Variants in LPA observed in about 807,000 individuals in gnomAD.
LPA encodes lipoprotein(a), also known as apolipoprotein(a).
In LPA, 199 loss-of-function variants were observed where a neutral mutation model predicts 197.9. The observed-to-expected ratio is 1.01, with a 90% CI of 0.90 to 1.13. The LOEUF is 1.13. Among genes scored for constraint, LPA ranks in the 50% most tolerant of loss-of-function variants. The pLI is 0.00. For missense variants in LPA, 1,853 were observed against 1,785.8 expected (o/e 1.04, Z -0.68); for synonymous variants, 715 against 639.5 (o/e 1.12, Z -1.78).
In LPA at chr6:160,589,444, T is replaced by G; in HGVS notation, c.3947+109A>C. On this transcript the variant is annotated intron_variant, in intron 24 of 38. Transcript: ENST00000316300. The stretch of plus-strand genomic sequence containing the variant: ...AAGCCTGAGACATTCTGTCCAACAT[T>G]CTGGGTCTGAGAGAAATTGGGTCAT... 3 of 1,305,346 alleles carry G rather than the reference T, an allele frequency of 2.3e-6. No individual in the cohort carries two copies. In the South Asian group the frequency reaches 3.6e-5, roughly 16 times the overall value. The allele number at this position is 1,305,346 out of a possible 1,614,324, so 80.9% of individuals were successfully genotyped here.
intron 16 of LPA, among the ~76,000 whole-genome samples, chr6:160,609,726 T>C (rs995729244): frequency 2.0e-5 from 3 of 152,026 alleles, no homozygotes; most frequent in African/African-American, 7.3e-5. Flanking sequence ...GAGGGTCGGT[T>C]AATTTTATAT....
chr6:160,634,645 C>T (rs1232700972), intron 7 of LPA, among the ~76,000 whole-genome samples: 2 of 151,134 alleles, frequency 1.3e-5, no homozygotes, highest in African/African-American at 4.9e-5. Context: ...TCATATACTG[C>T]TCCATAGACC....
chr6:160,585,292 G>C lies in LPA; in HGVS notation c.4130-87C>G, dbSNP rs749060055. ...TATGACACACAAAGTGGAATAATCT[G>C]AGGATTAACAATTTACACTCTTCTA... On this transcript the variant is annotated intron_variant, in intron 25 of 38. Coordinates refer to ENST00000316300, the MANE Select transcript of LPA (RefSeq NM_005577.4). 9.4e-5 allele frequency: 122 copies of C among 1,292,852 alleles called. 1 individual carries two copies. In the Middle Eastern group the frequency reaches 1.5e-3, roughly 16 times the overall value. 80.1% of individuals were successfully genotyped at this position (1,292,852 alleles called of 1,614,324 possible).
At chr6:160,564,491 G>C (rs1374692230) in intron 28 of LPA, among the ~76,000 whole-genome samples, 1 of 152,164 alleles carries the variant, frequency 6.6e-6, no homozygotes, top group East Asian at 1.9e-4. Context: ...TCAGCCTGCA[G>C]ACGGCCTATT....
intron 26 of LPA, among the ~76,000 whole-genome samples, chr6:160,584,240 C>CTTCT (rs1562331296): frequency 0.015 from 918 of 60,554 alleles, 5 homozygotes; most frequent in Non-Finnish European, 0.017. Flanking sequence ...CTTCTTCTTC[C>CTTCT]TCCTCCTCCT....
chr6:160,606,306 A>G (rs1266375330), intron 17 of LPA, among the ~76,000 whole-genome samples, 171 bp downstream of exon 17: 1 of 152,108 alleles, frequency 6.6e-6, no homozygotes, highest in Non-Finnish European at 1.5e-5. Context: ...TGTACCAGAA[A>G]TCAATCCGCT....
chr6:160,660,193 T>C (rs1780201843), intron 1 of LPA, among the ~76,000 whole-genome samples: 2 of 122,816 alleles, frequency 1.6e-5, no homozygotes, highest in Non-Finnish European at 3.5e-5. Flanking sequence ...ACTGCAACCG[T>C]GTATCTCTTA....
At chr6:160,575,633 G>A (rs1778641015) in intron 28 of LPA, among the ~76,000 whole-genome samples, 1 of 152,146 alleles carries the variant, frequency 6.6e-6, no homozygotes, top group African/African-American at 2.4e-5. Context: ...CCAAAGAGTG[G>A]CTTTTCTGGG....
At chr6:160,557,978 G>A (rs1778295117) in intron 28 of LPA, among the ~76,000 whole-genome samples, 1 of 151,066 alleles carries the variant, frequency 6.6e-6, no homozygotes, top group Admixed American at 6.6e-5. Flanking sequence ...GGAGTGCAGT[G>A]GCGCAATCTC....
chr6:160,602,245 T>C (rs1779258383), intron 18 of LPA, among the ~76,000 whole-genome samples: 1 of 152,190 alleles, frequency 6.6e-6, no homozygotes, highest in African/African-American at 2.4e-5. Flanking sequence ...CTTCCCTCTT[T>C]TGGATACATG....
intron 26 of LPA, among the ~76,000 whole-genome samples, chr6:160,583,153 T>C (rs1366004988): frequency 6.6e-6 from 1 of 151,672 alleles, no homozygotes; most frequent in East Asian, 1.9e-4. Flanking sequence ...GCCAATTCTG[T>C]TATTTTTATC....
At chr6:160,581,985 T>C (rs997980292) in intron 26 of LPA, among the ~76,000 whole-genome samples, 2 of 152,262 alleles carry the variant, frequency 1.3e-5, no homozygotes, top group African/African-American at 4.8e-5. Context: ...AATTCCCATA[T>C]GGTATTATTT....
chr6:160,567,065 G>A (rs1441311545), intron 28 of LPA, among the ~76,000 whole-genome samples: 1 of 152,170 alleles, frequency 6.6e-6, no homozygotes, highest in African/African-American at 2.4e-5. Context: ...ACACCCCACT[G>A]TCAACATTAG....
At chr6:160,606,105 C>T (rs1208839428) in intron 17 of LPA, among the ~76,000 whole-genome samples, 1 of 152,178 alleles carries the variant, frequency 6.6e-6, no homozygotes, top group Non-Finnish European at 1.5e-5. Context: ...GAAGATTGCA[C>T]TGAATGCTGG....
Position 160,606,565 on chromosome 6 carries a change from G to A in LPA, c.2697C>T (p.Asn899=). The A allele has an allele frequency of 6.2e-7, 1 of 1,613,872 alleles. No homozygotes were observed. Among genetic ancestry groups the A allele is most frequent in the Non-Finnish European group, 8.5e-7 (1 of 1,179,974 alleles). The part of the protein sequence containing the change: ...RDPSVRWEYC[N]LTQCSDAEGT... ...CTTCTGCGTCTGAGCATTGTGTCAG[G>A]TTGCAGTACTCCCACCTGACACTGG... The change falls in exon 17 of 39, where the codon AAC becomes AAT. Residue 899 remains asparagine, a synonymous_variant. Transcript: ENST00000316300.
At position 160,542,802 on chromosome 6, in the gene LPA, G is replaced by A. The variant is rs1412089078; in HGVS notation, c.5405C>T (p.Ser1802Phe). 4 of 1,613,936 alleles carry A rather than the reference G, an allele frequency of 2.5e-6. No individual in the cohort carries two copies. The highest frequency in any genetic ancestry group is 2.2e-5 in the East Asian group (1 of 44,888). ...DYCDIPLCAS[S>F]SFDCGKPQVE... is the part of the protein sequence containing the mutation. The stretch of plus-strand genomic sequence containing the variant: ...TTGAGGCTTCCCACAATCAAATGAA[G>A]AGGATGCTGTGGCACAAGGTGGGAA... Residue 1802 changes from serine (S) to phenylalanine (F), a missense_variant, in exon 34 of 39, where the codon TCT (serine) becomes TTT (phenylalanine). Ser to Phe is a radical substitution (Grantham distance 155). Coordinates refer to ENST00000316300, the MANE Select transcript of LPA (RefSeq NM_005577.4).
intron 22 of LPA, among the ~76,000 whole-genome samples, chr6:160,591,458 A>C (rs1779028631): frequency 6.6e-6 from 1 of 152,226 alleles, no homozygotes. Context: ...TGTTTTATGC[A>C]CGTACAAATG....
At chr6:160,578,159 T>C (rs7775704) in intron 27 of LPA, among the ~76,000 whole-genome samples, 61,582 of 151,980 alleles carry the variant, frequency 0.41, 13,215 homozygotes, top group African/African-American at 0.56. Context: ...ATGAAAAAAG[T>C]CTACTTTAAA....
intron 16 of LPA, among the ~76,000 whole-genome samples, chr6:160,611,335 C>T (rs1016177874): frequency 2.0e-5 from 3 of 152,064 alleles, no homozygotes; most frequent in African/African-American, 4.8e-5. Context: ...GTGATCTCCT[C>T]GCCTCCTCAT....
Sources: allele counts gnomAD v4.1 joint callset (sites outside exome capture counted in the v4.1 genomes callset), GRCh38; gene constraint gnomAD v4.1.1; transcripts MANE v1.5; gene names NCBI Gene and HGNC (gene_info 2026-07-23, HGNC 2026-07-21).